CNTNAP2: variants seen among roughly 807,000 people sequenced by gnomAD.
CNTNAP2 encodes contactin-associated protein-like 2.
Under a neutral mutation model 155.2 loss-of-function variants are expected in CNTNAP2, and 98 were observed. That is an observed-to-expected ratio of 0.63 (90% confidence interval 0.54 to 0.75). CNTNAP2 has a LOEUF of 0.75. Among genes scored for constraint, CNTNAP2 ranks in the 30% least tolerant of loss-of-function variants. CNTNAP2 has a pLI of 0.00. For synonymous variants in CNTNAP2, 651 were observed against 631.2 expected (o/e 1.03, Z -0.47); for missense variants, 1,727 against 1,688.1 (o/e 1.02, Z -0.40).
At chr7:146,537,019 G>A (rs1459947122) in intron 1 of CNTNAP2, among the ~76,000 whole-genome samples, 1 of 152,006 alleles carries the variant, frequency 6.6e-6, no homozygotes, top group African/African-American at 2.4e-5. Flanking sequence ...TATTTGAACG[G>A]TTAAAATTAT....
chr7:146,748,123 G>GTT (rs1563214755), intron 1 of CNTNAP2, among the ~76,000 whole-genome samples: 5 of 132,310 alleles, frequency 3.8e-5, no homozygotes, highest in African/African-American at 1.4e-4. Context: ...TCTATGTGGT[G>GTT]TTTTCTTTTC....
chr7:146,151,668 A>ATGTATATATATATACG (rs61501203), intron 1 of CNTNAP2, among the ~76,000 whole-genome samples: 2 of 47,654 alleles, frequency 4.2e-5, no homozygotes, highest in African/African-American at 1.6e-4. Flanking sequence ...ATATATATAT[A>ATGTATATATATATACG]TATATATATA....
At chr7:146,246,259 C>A (rs13233743) in intron 1 of CNTNAP2, among the ~76,000 whole-genome samples, 29,002 of 148,230 alleles carry the variant, frequency 0.2, 3,075 homozygotes, top group Middle Eastern at 0.3. Flanking sequence ...GAGGAGGACG[C>A]AAAGGAGGCT....
chr7:146,789,455 G>A (rs1194988112), intron 2 of CNTNAP2, among the ~76,000 whole-genome samples: 1 of 152,030 alleles, frequency 6.6e-6, no homozygotes, highest in Non-Finnish European at 1.5e-5. Context: ...TAAATAATCT[G>A]AAAGTAAAAG....
At chr7:148,411,999 A>G (rs914718240) in intron 23 of CNTNAP2, among the ~76,000 whole-genome samples, 1 of 152,026 alleles carries the variant, frequency 6.6e-6, no homozygotes, top group African/African-American at 2.4e-5. Context: ...GCTGGAGTAC[A>G]GTGGCGCGAT....
At chr7:147,230,115 A>G (rs934572073) in intron 8 of CNTNAP2, among the ~76,000 whole-genome samples, 4 of 152,230 alleles carry the variant, frequency 2.6e-5, no homozygotes, top group African/African-American at 9.6e-5. Flanking sequence ...TTAAATGAAG[A>G]ACACGCTTTT....
chr7:147,114,018 T>C (rs1800935907), intron 5 of CNTNAP2, among the ~76,000 whole-genome samples: 1 of 152,232 alleles, frequency 6.6e-6, no homozygotes, highest in African/African-American at 2.4e-5. Context: ...TTTGTATCTT[T>C]GTTCTCATTA....
chr7:148,088,434 GAA>G (rs68141872), intron 15 of CNTNAP2, among the ~76,000 whole-genome samples: 1 of 148,312 alleles, frequency 6.7e-6, no homozygotes, highest in African/African-American at 2.5e-5. Flanking sequence ...GCTAGACTAA[GAA>G]AAAAAAAGAG....
At chr7:147,629,113 G>T (rs183099057) in intron 12 of CNTNAP2, among the ~76,000 whole-genome samples, 1 of 152,082 alleles carries the variant, frequency 6.6e-6, no homozygotes, top group South Asian at 2.1e-4. Flanking sequence ...AAGAAATAAC[G>T]GACATAGGCC....
chr7:146,732,977 GT>G (rs1475977114), intron 1 of CNTNAP2, among the ~76,000 whole-genome samples: 4 of 152,086 alleles, frequency 2.6e-5, no homozygotes, highest in African/African-American at 9.7e-5. Context: ...GGGTGAAAGT[GT>G]GACTGTGTAT....
intron 1 of CNTNAP2, among the ~76,000 whole-genome samples, chr7:146,568,846 T>C (rs2129145603): frequency 6.6e-6 from 1 of 152,272 alleles, no homozygotes; most frequent in African/African-American, 2.4e-5. Flanking sequence ...AATAGCAATT[T>C]ACTTCCTAAA....
chr7:146,429,742 G>A (rs1796145817), intron 1 of CNTNAP2, among the ~76,000 whole-genome samples: 1 of 152,016 alleles, frequency 6.6e-6, no homozygotes, highest in African/African-American at 2.4e-5. Flanking sequence ...TGACTGTTCT[G>A]GACAGAACTT....
intron 1 of CNTNAP2, among the ~76,000 whole-genome samples, chr7:146,689,091 CAT>C (rs1378018444): frequency 6.6e-6 from 1 of 152,092 alleles, no homozygotes; most frequent in African/African-American, 2.4e-5. Flanking sequence ...GAGGCATACA[CAT>C]ATGCTGTTAT....
At chr7:147,600,767 T>C (rs1800928309) in intron 12 of CNTNAP2, among the ~76,000 whole-genome samples, 1 of 152,124 alleles carries the variant, frequency 6.6e-6, no homozygotes, top group Admixed American at 6.6e-5. Flanking sequence ...CCTTTCCTTT[T>C]CTTCCTTCCC....
At chr7:148,091,337 C>T (rs1803836696) in intron 15 of CNTNAP2, among the ~76,000 whole-genome samples, 1 of 152,138 alleles carries the variant, frequency 6.6e-6, no homozygotes. Flanking sequence ...AATCTCAAAA[C>T]ATCATGTTGT....
intron 18 of CNTNAP2, among the ~76,000 whole-genome samples, chr7:148,209,896 G>A (rs186572637): frequency 1.2e-3 from 181 of 152,146 alleles, no homozygotes; most frequent in Non-Finnish European, 1.9e-3. Context: ...GTTCATCCTC[G>A]ACATTCTCTT....
chr7:147,451,850 A>G (rs1797839746), intron 10 of CNTNAP2, among the ~76,000 whole-genome samples: 1 of 151,878 alleles, frequency 6.6e-6, no homozygotes, highest in South Asian at 2.1e-4. Context: ...TGACTGGGTC[A>G]TTAGAGCTCC....
At chr7:147,381,192 T>C (rs978142176) in intron 9 of CNTNAP2, among the ~76,000 whole-genome samples, 1 of 152,106 alleles carries the variant, frequency 6.6e-6, no homozygotes, top group Non-Finnish European at 1.5e-5. Context: ...ACAAAAACCA[T>C]AGGAATTGGG....
At chr7:146,409,438 A>C (rs1795836840) in intron 1 of CNTNAP2, among the ~76,000 whole-genome samples, 1 of 152,204 alleles carries the variant, frequency 6.6e-6, no homozygotes, top group African/African-American at 2.4e-5. Context: ...TTAGTTGGAA[A>C]TGTTTATCCA....
Sources: gnomAD v4.1 joint callset for allele counts (sites outside exome capture counted in the v4.1 genomes callset) on GRCh38, gnomAD v4.1.1 for gene constraint, MANE v1.5 for transcripts, NCBI Gene and HGNC (gene_info 2026-07-23, HGNC 2026-07-21) for gene names.